LCN1: variants seen among roughly 807,000 people sequenced by gnomAD.
The protein encoded by LCN1 is lipocalin 1, also known as lipocalin-1.
Under a neutral mutation model 22.3 loss-of-function variants are expected in LCN1, and 25 were observed. The ratio of observed to expected loss-of-function variants is 1.12; its 90% CI spans 0.82 to 1.56. The LOEUF is 1.56. Ranked by LOEUF, LCN1 falls within the 40% of genes most tolerant of loss-of-function variation. LCN1 has a pLI of 0.00. For missense variants in LCN1, 219 were observed against 235.6 expected, an observed-to-expected ratio of 0.93 and a Z score of 0.46; for synonymous variants, 85 against 97.6, an observed-to-expected ratio of 0.87 and a Z score of 0.76.
chr9:135,526,266 A>G, intron 6 of LCN1, 78 bp from the exon 7 acceptor site: 1 of 427,072 alleles, frequency 2.3e-6, no homozygotes, highest in Non-Finnish European at 3.7e-6. Context: ...AGCACCCAAG[A>G]GCCCACATGC....
intron 4 of LCN1, among the ~76,000 whole-genome samples, chr9:135,524,276 G>A (rs1402286650): frequency 2.6e-5 from 4 of 152,192 alleles, no homozygotes; most frequent in Admixed American, 1.3e-4. Flanking sequence ...GCCCTCCCCC[G>A]GAGCAGCTCC....
intron 4 of LCN1, 37 bp downstream of exon 4, chr9:135,524,027 C>A: frequency 6.7e-7 from 1 of 1,495,622 alleles, no homozygotes; most frequent in Non-Finnish European, 9.3e-7. Flanking sequence ...CCCATGCCTC[C>A]ACCTGCCCTC....
At chr9:135,525,399 G>A (rs1307078470) in intron 6 of LCN1, among the ~76,000 whole-genome samples, 1 of 152,160 alleles carries the variant, frequency 6.6e-6, no homozygotes, top group Admixed American at 6.5e-5. Flanking sequence ...GCCCGCCTTT[G>A]CTGGCTGCTG....
intron 6 of LCN1, among the ~76,000 whole-genome samples, chr9:135,525,897 C>A (rs1417839886): frequency 7.8e-6 from 1 of 128,228 alleles, no homozygotes; most frequent in Non-Finnish European, 1.6e-5. Context: ...GAGCCCGGTG[C>A]ACGTCCCCCA....
At chr9:135,523,456 T>C (rs1831550545) in intron 3 of LCN1, among the ~76,000 whole-genome samples, 154 bp downstream of exon 3, 1 of 152,204 alleles carries the variant, frequency 6.6e-6, no homozygotes, top group Admixed American at 6.5e-5. Context: ...CACTGGTCAA[T>C]TTGCATTAGA....
chr9:135,523,355 C>CG lies in LCN1; in HGVS notation c.292+58dup, dbSNP rs900906877. On this transcript the variant is annotated intron_variant, in intron 3 of 6. Transcript: ENST00000371781. Reference sequence around the variant, plus strand: ...TGAGCTTGAACACACGCTGGATGTGCGGGGGCAGCCAGTGCCTTTTTGGGG... The same window carrying CG: ...TGAGCTTGAACACACGCTGGATGTGCGGGGGGCAGCCAGTGCCTTTTTGGGG... The CG allele has an allele frequency of 2.6e-6, 4 of 1,537,280 alleles. No homozygotes were observed. The African/African-American group carries it at 5.5e-5, about 21-fold the overall frequency.
At chr9:135,524,488 GC>G (rs1303226275) in intron 4 of LCN1, among the ~76,000 whole-genome samples, 1 of 152,212 alleles carries the variant, frequency 6.6e-6, no homozygotes, top group Non-Finnish European at 1.5e-5. Flanking sequence ...TCTCCCTGGA[GC>G]CAGGGGTGTG....
In LCN1 at chr9:135,526,335, C is replaced by A. The variant is rs564242783; in HGVS notation, c.*2-9C>A. 1.6e-4 allele frequency: 203 copies of A among 1,250,280 alleles called. 1 individual carries two copies. In the East Asian group the frequency reaches 3.4e-3, roughly 21 times the overall value. 77.4% of individuals were successfully genotyped at this position (1,250,280 alleles called of 1,614,324 possible). ...GTCCTGGCCTCACTCACCCTCCCCC[C>A]CTTTCCAGGGCAGGGGACACCTTGG... On this transcript the variant is annotated splice_polypyrimidine_tract_variant and intron_variant, in intron 6 of 6. Transcript: ENST00000371781.
chr9:135,521,895 G>A (rs1831504487), intron 1 of LCN1, 152 bp from the exon 2 acceptor site: 36 of 1,287,542 alleles, frequency 2.8e-5, no homozygotes, highest in Middle Eastern at 2.7e-4. Context: ...TGGGCCTGGC[G>A]AGGGTGCTGG....
At chr9:135,523,038 G>A (rs1025555239) in intron 2 of LCN1, among the ~76,000 whole-genome samples, 194 bp from the exon 3 acceptor site, 23 of 152,198 alleles carry the variant, frequency 1.5e-4, no homozygotes, top group East Asian at 5.8e-4. Flanking sequence ...TGGCCATCTC[G>A]GGAGACCCCG....
chr9:135,526,283 A>G, intron 6 of LCN1, 61 bp from the exon 7 acceptor site: 1 of 217,902 alleles, frequency 4.6e-6, no homozygotes, highest in Admixed American at 1.0e-4. Flanking sequence ...ATGCGCCCCC[A>G]CATTGCATCC....
In LCN1 at chr9:135,525,178, G is replaced by A. The variant is rs1273817186; in HGVS notation, c.*1+20G>A. ...ATTAGGGTGAGTGAACAGCTTTAGA[G>A]GACATTTGAGAAAATCCAGTTCTGG... On this transcript the variant is annotated intron_variant, in intron 6 of 6. Transcript: ENST00000371781. The A allele has an allele frequency of 1.2e-6, 2 of 1,611,596 alleles. No homozygotes were observed. Among genetic ancestry groups the A allele is most frequent in the Non-Finnish European group, 8.5e-7 (1 of 1,178,870 alleles).
Position 135,521,452 on chromosome 9 carries a change from C to G in LCN1, c.-46C>G, listed in dbSNP as rs1285596558. The stretch of plus-strand genomic sequence containing the variant: ...GGAGGACTGGTACAGCCTCTCCCAG[C>G]CCCAGCAAGCGACCTGTCAGGCGGC... On this transcript the variant is annotated 5_prime_UTR_variant, in exon 1 of 7. Coordinates refer to ENST00000371781, the MANE Select transcript of LCN1 (RefSeq NM_002297.4). The G allele has an allele frequency of 7.1e-6, 11 of 1,542,300 alleles. No homozygotes were observed. The highest frequency in any genetic ancestry group is 9.8e-6 in the Non-Finnish European group (11 of 1,119,622).
chr9:135,522,190 C>T lies in LCN1; in HGVS notation c.221+13C>T, dbSNP rs746542386. On this transcript the variant is annotated intron_variant, in intron 2 of 6. Coordinates refer to ENST00000371781, the MANE Select transcript of LCN1 (RefSeq NM_002297.4). ...AGGTCACCATGCTGTGAGTGTCTGCCAGCCGGCCGGGCAGCCTGCAACCTG... is the reference window on the plus strand; with the variant it reads ...AGGTCACCATGCTGTGAGTGTCTGCTAGCCGGCCGGGCAGCCTGCAACCTG... 2 of 1,604,440 alleles carry T rather than the reference C, an allele frequency of 1.2e-6. No individual in the cohort carries two copies. The highest frequency in any genetic ancestry group is 1.7e-6 in the Non-Finnish European group (2 of 1,175,706).
intron 6 of LCN1, among the ~76,000 whole-genome samples, chr9:135,525,971 C>T (rs1383704861): frequency 6.9e-6 from 1 of 144,802 alleles, no homozygotes; most frequent in African/African-American, 2.6e-5. Flanking sequence ...CCCGCATGTG[C>T]CTTCCACCGT....
chr9:135,523,733 G>A lies in LCN1; in HGVS notation c.293-147G>A, dbSNP rs781027104. ...GTCCCATGGCCTGGGGCTCAGGCCT[G>A]GTGGGGAACCTGGGTCAGGGAGCTC... On this transcript the variant is annotated intron_variant, in intron 3 of 6. Transcript: ENST00000371781. 1.1e-4 allele frequency: 74 copies of A among 684,452 alleles called. 1 individual carries two copies. Among genetic ancestry groups the A allele is most frequent in the Middle Eastern group, 3.8e-4 (1 of 2,634 alleles). 42.4% of individuals were successfully genotyped at this position (684,452 alleles called of 1,614,324 possible). A position where few individuals can be genotyped will look rare whatever the true frequency, so the allele number is the denominator to read the frequency against.
At position 135,522,075 on chromosome 9, in the gene LCN1, T is replaced by C. The variant is rs745878751; in HGVS notation, c.119T>C (p.Met40Thr). The change falls in exon 2 of 7, where the codon ATG becomes ACG. Residue 40 changes from methionine to threonine, a missense_variant. By Grantham distance (81) the Met-to-Thr change is moderately conservative. Transcript: ENST00000371781. ...DVSGTWYLKA[M>T]TVDREFPEMN... is the part of the protein sequence containing the mutation. The stretch of plus-strand genomic sequence containing the variant: ...TCAGGGACGTGGTATCTGAAGGCCA[T>C]GACGGTGGACAGGGAGTTCCCTGAG... The C allele has an allele frequency of 6.9e-6, 11 of 1,593,312 alleles. No homozygotes were observed. The highest frequency in any genetic ancestry group is 1.7e-4 in the Middle Eastern group (1 of 5,776).
rs536904190 is a variant in LCN1, at chr9:135,522,115, G to A, written c.159G>A (p.Ser53=). ...AGTTCCCTGAGATGAATCTGGAATC[G>A]GTGACACCCATGACCCTCACGACCC... is the stretch of plus-strand genomic sequence containing the variant. ...DREFPEMNLE[S]VTPMTLTTLE... Residue 53 remains serine, a synonymous_variant, in exon 2 of 7, where the codon TCG becomes TCA. Coordinates refer to ENST00000371781, the MANE Select transcript of LCN1 (RefSeq NM_002297.4). 92 of 1,598,274 alleles carry A rather than the reference G, an allele frequency of 5.8e-5. No homozygotes were observed. Among genetic ancestry groups the A allele is most frequent in the South Asian group, 5.4e-4 (48 of 88,684 alleles).
At chr9:135,522,982 G>C (rs527909887) in intron 2 of LCN1, among the ~76,000 whole-genome samples, 3 of 152,268 alleles carry the variant, frequency 2.0e-5, no homozygotes, top group Non-Finnish European at 4.4e-5. Context: ...TGTTGGGGGC[G>C]GGGGGTTTGG....
Sources: allele counts gnomAD v4.1 joint callset (sites outside exome capture counted in the v4.1 genomes callset), GRCh38; gene constraint gnomAD v4.1.1; transcripts MANE v1.5; gene names NCBI Gene and HGNC (gene_info 2026-07-23, HGNC 2026-07-21).